TMCC1: variants seen among roughly 807,000 people sequenced by gnomAD.
TMCC1 encodes transmembrane and coiled-coil domains protein 1.
In TMCC1, 15 loss-of-function variants were observed where a neutral mutation model predicts 52.4. That is an observed-to-expected ratio of 0.29 (90% CI 0.19 to 0.44). The LOEUF is 0.44. Ranked by LOEUF, TMCC1 falls within the 20% of genes least tolerant of loss-of-function variation. The probability of loss-of-function intolerance (pLI) is 1.00; values close to 1 mark genes in which losing one functional copy is unlikely to be tolerated. For missense variants in TMCC1, 503 were observed against 806.0 expected (o/e 0.62, Z 4.55); for synonymous variants, 279 against 301.9 (o/e 0.92, Z 0.79).
At chr3:129,876,889 G>A (rs192764178) in intron 2 of TMCC1, among the ~76,000 whole-genome samples, 69 of 152,206 alleles carry the variant, frequency 4.5e-4, no homozygotes, top group African/African-American at 1.5e-3. Flanking sequence ...ACTGGGAGGC[G>A]GAGCTTGCAG....
chr3:129,708,163 T>G (rs757786231), intron 4 of TMCC1, among the ~76,000 whole-genome samples: 3 of 152,182 alleles, frequency 2.0e-5, no homozygotes, highest in Non-Finnish European at 4.4e-5. Context: ...AACATTGGGA[T>G]ATTATCAGGA....
intron 4 of TMCC1, among the ~76,000 whole-genome samples, chr3:129,691,354 G>A (rs1478391616): frequency 6.6e-6 from 1 of 152,192 alleles, no homozygotes; most frequent in Non-Finnish European, 1.5e-5. Flanking sequence ...ATTGAGACCA[G>A]CCTGGGCAAT....
At chr3:129,654,052 G>A (rs2086521754) in intron 6 of TMCC1, among the ~76,000 whole-genome samples, 1 of 152,062 alleles carries the variant, frequency 6.6e-6, no homozygotes, top group African/African-American at 2.4e-5. Context: ...AAAAGTGTCT[G>A]TTCTCCTCAA....
chr3:129,804,696 G>A (rs151162131), intron 4 of TMCC1, among the ~76,000 whole-genome samples: 7 of 152,116 alleles, frequency 4.6e-5, no homozygotes, highest in South Asian at 2.1e-4. Context: ...TTGTGGGCAC[G>A]GTATATCTAA....
At chr3:129,790,029 C>T (rs2056343801) in intron 4 of TMCC1, among the ~76,000 whole-genome samples, 1 of 152,096 alleles carries the variant, frequency 6.6e-6, no homozygotes, top group Non-Finnish European at 1.5e-5. Flanking sequence ...CATGTTTTTT[C>T]ACCATATGAA....
At chr3:129,829,450 T>A (rs1300701318) in intron 3 of TMCC1, among the ~76,000 whole-genome samples, 1 of 10,482 alleles carries the variant, frequency 9.5e-5, no homozygotes. Context: ...TAAAATCACA[T>A]GCAAAAAAAA....
chr3:129,669,459 A>G (rs746543297), intron 5 of TMCC1, among the ~76,000 whole-genome samples: 1 of 149,798 alleles, frequency 6.7e-6, no homozygotes, highest in Non-Finnish European at 1.5e-5. Context: ...TTTGAGACGG[A>G]GTTTCGCTCT....
intron 1 of TMCC1, among the ~76,000 whole-genome samples, chr3:129,882,975 A>T (rs962295099): frequency 6.6e-5 from 10 of 152,202 alleles, no homozygotes; most frequent in African/African-American, 2.4e-4. Context: ...ATTTAACATT[A>T]CTGAACACCA....
intron 2 of TMCC1, among the ~76,000 whole-genome samples, chr3:129,833,336 C>G (rs1293788390): frequency 6.6e-6 from 1 of 151,806 alleles, no homozygotes; most frequent in East Asian, 1.9e-4. Flanking sequence ...CCCAGCACTC[C>G]GAGGCAGGAA....
chr3:129,801,265 C>T lies in TMCC1; in HGVS notation c.576+26538G>A, dbSNP rs1469865553. On this transcript the variant is annotated intron_variant, in intron 4 of 6. Transcript: ENST00000393238. ...TTAATCCAACCAGTATCATACTACCCATATTATCTATGACCTCCTTTTTTT... is the reference window on the plus strand; with the variant it reads ...TTAATCCAACCAGTATCATACTACCTATATTATCTATGACCTCCTTTTTTT... Among the ~76,000 whole-genome samples the T allele has an allele frequency of 2.6e-5, 4 of 151,916 alleles. No homozygotes were observed. The East Asian group carries it at 7.7e-4, about 29-fold the overall frequency.
rs551148158 is a variant in TMCC1, at chr3:129,818,476, A to T, written c.576+9327T>A. On this transcript the variant is annotated intron_variant, in intron 4 of 6. Coordinates refer to ENST00000393238, the MANE Select transcript of TMCC1 (RefSeq NM_001017395.5). ...AAAGAAACTTTTAAAGAAAAGTTTT[A>T]AAGAAACTTTTAAAGAAAAGTTTTA... 7.3e-4 allele frequency among the ~76,000 whole-genome samples: 81 copies of T among 110,268 alleles called. 1 individual carries two copies. Among genetic ancestry groups the T allele is most frequent in the African/African-American group, 3.2e-3 (78 of 24,534 alleles). The allele number at this position is 110,268 out of a possible 152,430, so 72.3% of individuals were successfully genotyped here. A position where few individuals can be genotyped will look rare whatever the true frequency, so the allele number is the denominator to read the frequency against.
At chr3:129,854,960 T>C (rs2060085842) in intron 2 of TMCC1, among the ~76,000 whole-genome samples, 1 of 152,210 alleles carries the variant, frequency 6.6e-6, no homozygotes, top group Non-Finnish European at 1.5e-5. Flanking sequence ...AAAAATGTGT[T>C]GCATGAATGA....
At chr3:129,756,193 T>C (rs2052995085) in intron 4 of TMCC1, among the ~76,000 whole-genome samples, 1 of 152,040 alleles carries the variant, frequency 6.6e-6, no homozygotes, top group African/African-American at 2.4e-5. Context: ...GATCTAGCCA[T>C]CAAGCTCCTA....
At chr3:129,775,388 G>A (rs1480862007) in intron 4 of TMCC1, among the ~76,000 whole-genome samples, 1 of 152,082 alleles carries the variant, frequency 6.6e-6, no homozygotes, top group East Asian at 1.9e-4. Flanking sequence ...GACTGTCTGA[G>A]CCCAAGAGTT....
chr3:129,816,440 G>C (rs989677765), intron 4 of TMCC1, among the ~76,000 whole-genome samples: 1 of 152,146 alleles, frequency 6.6e-6, no homozygotes, highest in Non-Finnish European at 1.5e-5. Context: ...GCAGCAACAT[G>C]GATGGAAATG....
In TMCC1 at chr3:129,649,693, G is replaced by A. The variant is rs1264503680; in HGVS notation, c.*1788C>T. The A allele has an allele frequency of 1.3e-5, 2 of 152,584 alleles. No individual in the cohort carries two copies. Among genetic ancestry groups the A allele is most frequent in the East Asian group, 3.8e-4 (2 of 5,198 alleles). The allele number at this position is 152,584 out of a possible 1,614,324, so 9.5% of individuals were successfully genotyped here. On this transcript the variant is annotated 3_prime_UTR_variant, in exon 7 of 7. Transcript: ENST00000393238. ...AATCTAGTTCTGAAGGAATTTCCTG[G>A]TAAGTGGAAACAGGCAAAGCATACT...
intron 1 of TMCC1, among the ~76,000 whole-genome samples, chr3:129,887,337 A>C (rs1259734663): frequency 1.3e-5 from 2 of 152,004 alleles, no homozygotes; most frequent in Admixed American, 6.6e-5. Flanking sequence ...AGGTCAAGAG[A>C]TCGAGACCAC....
chr3:129,660,352 C>G (rs933513721), intron 5 of TMCC1, among the ~76,000 whole-genome samples: 10 of 152,124 alleles, frequency 6.6e-5, no homozygotes, highest in Non-Finnish European at 1.3e-4. Flanking sequence ...GGGGTTTCGC[C>G]ATGTTACCCA....
intron 2 of TMCC1, among the ~76,000 whole-genome samples, chr3:129,846,429 T>C (rs2059667978): frequency 1.3e-5 from 2 of 152,230 alleles, no homozygotes; most frequent in African/African-American, 2.4e-5. Flanking sequence ...TGCAGGTCAT[T>C]TGAAATGGTT....
Sources: allele counts gnomAD v4.1 joint callset (sites outside exome capture counted in the v4.1 genomes callset), GRCh38; gene constraint gnomAD v4.1.1; transcripts MANE v1.5; gene names NCBI Gene and HGNC (gene_info 2026-07-23, HGNC 2026-07-21).